Variants in TMEM245 observed in about 807,000 individuals in gnomAD.
TMEM245 encodes the protein protein CG-2.
TMEM245 carries 69 observed loss-of-function variants against 101.2 expected under a neutral mutation model. The ratio of observed to expected loss-of-function variants is 0.68; its 90% CI spans 0.56 to 0.83. TMEM245 has a LOEUF of 0.83. TMEM245 is among the 40% of genes least tolerant of loss of function. The pLI is 0.00. For synonymous variants in TMEM245, 537 were observed against 449.8 expected, an observed-to-expected ratio of 1.19 and a Z score of -2.45; for missense variants, 1,075 against 1,092.8, an observed-to-expected ratio of 0.98 and a Z score of 0.23.
rs139813002 is a variant in TMEM245 at position 109,105,615 on chromosome 9, G to T, written c.799+893C>A. Among the ~76,000 whole-genome samples, 54 of 152,296 alleles carry T rather than the reference G, an allele frequency of 3.5e-4. 1 individual carries two copies. In the East Asian group the frequency reaches 0.01, roughly 28 times the overall value. On this transcript the variant is annotated intron_variant, in intron 3 of 17. Transcript: ENST00000374586. Reference sequence around the variant, plus strand: ...AACCCAAATATCCATCAACTGATGAGTAAATAAACAAAATGTGGTGTGCTC... The same window carrying T: ...AACCCAAATATCCATCAACTGATGATTAAATAAACAAAATGTGGTGTGCTC...
chr9:109,077,904 G>A (rs1235345292), intron 8 of TMEM245, among the ~76,000 whole-genome samples: 3 of 152,044 alleles, frequency 2.0e-5, no homozygotes, highest in East Asian at 1.9e-4. Flanking sequence ...GTTGCTTCTC[G>A]TGTAACCTAA....
chr9:109,025,172 A>G (rs1827756924), intron 17 of TMEM245, among the ~76,000 whole-genome samples: 1 of 152,202 alleles, frequency 6.6e-6, no homozygotes, highest in Non-Finnish European at 1.5e-5. Context: ...ACCCCAAGTG[A>G]AATTCTTAGG....
At chr9:109,080,630 A>G (rs1829639948) in intron 8 of TMEM245, among the ~76,000 whole-genome samples, 1 of 152,146 alleles carries the variant, frequency 6.6e-6, no homozygotes, top group Admixed American at 6.5e-5. Context: ...CGATAAAATA[A>G]AAATGCATGT....
In TMEM245 at chr9:109,078,075, TTTAAC is replaced by T. The variant is rs1387586110; in HGVS notation, c.1449+2759_1449+2763del. On this transcript the variant is annotated intron_variant, in intron 8 of 17. Transcript: ENST00000374586. ...TCCTTAGGCTATTTATTGCCTGCTG[TTTAAC>T]TTATCTAAATCTTATCTCATCTTTT... Among the ~76,000 whole-genome samples the T allele has an allele frequency of 2.6e-5, 4 of 152,342 alleles. No individual in the cohort carries two copies. The East Asian group carries it at 5.8e-4, about 22-fold the overall frequency.
In TMEM245 at chr9:109,087,351, A is replaced by C; in HGVS notation, c.1151-9T>G. The stretch of plus-strand genomic sequence containing the variant: ...CTTTTTGAGTATCCAGACTAAAAAA[A>C]GACAAAAAATACATATATAAACAAA... On this transcript the variant is annotated splice_polypyrimidine_tract_variant and intron_variant, in intron 5 of 17. Coordinates refer to ENST00000374586, the MANE Select transcript of TMEM245 (RefSeq NM_032012.4). 6.3e-7 allele frequency: 1 copy of C among 1,584,204 alleles called. No homozygotes were observed. The highest frequency in any genetic ancestry group is 1.4e-5 in the African/African-American group (1 of 72,860).
chr9:109,074,141 T>TG (rs1319514935), intron 8 of TMEM245, among the ~76,000 whole-genome samples: 1 of 152,108 alleles, frequency 6.6e-6, no homozygotes, highest in Non-Finnish European at 1.5e-5. Flanking sequence ...ATTACAGGTG[T>TG]GAGCCACTGT....
At position 109,119,901 on chromosome 9, in the gene TMEM245, C is replaced by G. The variant is rs760252515; in HGVS notation, c.13G>C (p.Gly5Arg). 3.9e-6 allele frequency: 5 copies of G among 1,270,858 alleles called. No homozygotes were observed. The highest frequency in any genetic ancestry group is 3.9e-6 in the Non-Finnish European group (4 of 1,013,438). The allele number at this position is 1,270,858 out of a possible 1,614,324, so 78.7% of individuals were successfully genotyped here. Residue 5 changes from glycine (G) to arginine (R), a missense_variant, in exon 1 of 18, where the codon GGC becomes CGC. Gly to Arg is a moderately radical substitution (Grantham distance 125, BLOSUM62 -2). Transcript: ENST00000374586. Reference sequence around the variant, plus strand: ...AGGCTTGGCGCGTCCTTAGGGCCGCCGCCGTCGGCCATCGTTCCTCCGCCA... The same window carrying G: ...AGGCTTGGCGCGTCCTTAGGGCCGCGGCCGTCGGCCATCGTTCCTCCGCCA... MADG[G>R]GPKDAPSLRS...
intron 12 of TMEM245, among the ~76,000 whole-genome samples, chr9:109,052,803 T>G (rs535125438): frequency 2.0e-5 from 3 of 152,268 alleles, no homozygotes; most frequent in South Asian, 4.2e-4. Context: ...TTTTGGAATT[T>G]TTATTAAAAA....
intron 5 of TMEM245, among the ~76,000 whole-genome samples, chr9:109,090,716 C>CAAA (rs112374218): frequency 4.6e-5 from 5 of 108,436 alleles, no homozygotes; most frequent in East Asian, 2.8e-4. Flanking sequence ...GACTCCGTCT[C>CAAA]AAAAAAAAAA....
chr9:109,071,818 C>CA (rs1345509046), intron 9 of TMEM245, among the ~76,000 whole-genome samples: 2 of 152,160 alleles, frequency 1.3e-5, no homozygotes, highest in Admixed American at 6.5e-5. Context: ...GTGGATAACA[C>CA]AGCTCTGCTG....
chr9:109,081,298 A>G (rs1041043260), intron 7 of TMEM245, among the ~76,000 whole-genome samples: 6 of 152,202 alleles, frequency 3.9e-5, no homozygotes, highest in African/African-American at 1.2e-4. Context: ...CTAAAATCTT[A>G]TGAAGCTGTA....
chr9:109,093,422 A>G (rs932324158), intron 4 of TMEM245, 53 bp downstream of exon 4: 5 of 1,470,400 alleles, frequency 3.4e-6, no homozygotes, highest in Non-Finnish European at 3.8e-6. Flanking sequence ...TTTACTTTCT[A>G]TGTACATTTC....
chr9:109,106,518 T>C lies in TMEM245; in HGVS notation c.789A>G (p.Lys263=), dbSNP rs775914214. ...TGCCCTATTTCTTACCAGAAGACTC[T>C]TTTCCATTCTGTTTTTCATAGAGGG... The part of the protein sequence containing the change: ...VGTLYEKQNG[K]ESSGAELPGQ... The change falls in exon 3 of 18, where the codon AAA becomes AAG. Residue 263 remains lysine (K), a synonymous_variant. Coordinates refer to ENST00000374586, the MANE Select transcript of TMEM245 (RefSeq NM_032012.4). 4 of 1,608,050 alleles carry C rather than the reference T, an allele frequency of 2.5e-6. No homozygotes were observed. The African/African-American group carries it at 4.0e-5, about 16-fold the overall frequency.
chr9:109,090,868 GA>G (rs202170378), intron 5 of TMEM245, 53 bp downstream of exon 5: 62 of 1,526,372 alleles, frequency 4.1e-5, no homozygotes, highest in African/African-American at 8.3e-5. Flanking sequence ...AGTAAAAAAA[GA>G]AAAAAATCAA....
intron 3 of TMEM245, among the ~76,000 whole-genome samples, chr9:109,096,782 A>G (rs935655578): frequency 2.0e-5 from 3 of 152,256 alleles, no homozygotes; most frequent in African/African-American, 7.2e-5. Flanking sequence ...CTTCAAAAGT[A>G]ATTTAATTAA....
Position 109,055,503 on chromosome 9 carries a change from G to C in TMEM245, c.1854+1688C>G, listed in dbSNP as rs371258572. 1.1e-4 allele frequency among the ~76,000 whole-genome samples: 16 copies of C among 152,262 alleles called. No homozygotes were observed. The East Asian group carries it at 1.2e-3, about 11-fold the overall frequency. ...TTTAAAGAAACTCAGAGCAAAGAGA[G>C]AGCAGAAGTCATTTTAAATATTTTA... On this transcript the variant is annotated intron_variant, in intron 12 of 17. Coordinates refer to ENST00000374586, the MANE Select transcript of TMEM245 (RefSeq NM_032012.4).
chr9:109,106,802 C>T (rs938564332), intron 2 of TMEM245, among the ~76,000 whole-genome samples, 193 bp from the exon 3 acceptor site: 1 of 151,984 alleles, frequency 6.6e-6, no homozygotes, highest in Admixed American at 6.6e-5. Flanking sequence ...TTCATCCCTG[C>T]TCTCAGAGGC....
At chr9:109,080,311 C>G (rs1829630877) in intron 8 of TMEM245, among the ~76,000 whole-genome samples, 1 of 151,804 alleles carries the variant, frequency 6.6e-6, no homozygotes, top group South Asian at 2.1e-4. Flanking sequence ...AGAGATATCA[C>G]TATAAAGATA....
At chr9:109,104,862 C>T (rs948287680) in intron 3 of TMEM245, among the ~76,000 whole-genome samples, 1 of 152,076 alleles carries the variant, frequency 6.6e-6, no homozygotes, top group Non-Finnish European at 1.5e-5. Context: ...AAAATTATTT[C>T]AAAACGGATC....
Sources: gnomAD v4.1 joint callset for allele counts (sites outside exome capture counted in the v4.1 genomes callset) on GRCh38, gnomAD v4.1.1 for gene constraint, MANE v1.5 for transcripts, NCBI Gene and HGNC (gene_info 2026-07-23, HGNC 2026-07-21) for gene names.